C8A: variants seen among roughly 807,000 people sequenced by gnomAD.
The protein encoded by C8A is complement C8 alpha chain, also known as complement component C8 alpha chain.
Under a neutral mutation model 65.3 loss-of-function variants are expected in C8A, and 67 were observed. The ratio of observed to expected loss-of-function variants is 1.03; its 90% CI spans 0.84 to 1.26. The LOEUF is 1.26. Ranked by LOEUF, C8A falls within the 50% of genes most tolerant of loss-of-function variation. C8A has a pLI of 0.00. For synonymous variants in C8A, 290 were observed against 259.4 expected (o/e 1.12, Z -1.13); for missense variants, 781 against 723.9 (o/e 1.08, Z -0.90).
At chr1:56,893,118 A>G (rs1339705696) in intron 7 of C8A, among the ~76,000 whole-genome samples, 1 of 151,936 alleles carries the variant, frequency 6.6e-6, no homozygotes, top group Non-Finnish European at 1.5e-5. Flanking sequence ...TTTTTAATCT[A>G]GGCTCTAACA....
At position 56,912,445 on chromosome 1, in the gene C8A, C is replaced by T. The variant is rs769910364; in HGVS notation, c.1423C>T (p.Pro475Ser). ...HEVLRHTSLGPLEAKRQNLRR... is the reference protein window; with the variant it reads ...HEVLRHTSLGSLEAKRQNLRR... ...GGTGCTGCGGCACACAAGCCTGGGG[C>T]CTCTGGAGGCCAAGCGCCAGAACCT... is the stretch of plus-strand genomic sequence containing the variant. Residue 475 changes from proline to serine, a missense_variant, in exon 10 of 11, where the codon CCT becomes TCT. Physicochemically the swap from Pro to Ser is moderately conservative, Grantham distance 74. Coordinates refer to ENST00000361249, the MANE Select transcript of C8A (RefSeq NM_000562.3). 1 of 1,614,220 alleles carries T rather than the reference C, an allele frequency of 6.2e-7. No individual in the cohort carries two copies. The highest frequency in any genetic ancestry group is 1.3e-5 in the African/African-American group (1 of 75,070).
In C8A at chr1:56,891,994, C is replaced by A. The variant is rs991994087; in HGVS notation, c.1096+5827C>A. On this transcript the variant is annotated intron_variant, in intron 7 of 10. Transcript: ENST00000361249. Reference sequence around the variant, plus strand: ...TTTTGTATCTAGCACAAGGCTGGGCCCACAGTAGATGCACCACGAATACTC... The same window carrying A: ...TTTTGTATCTAGCACAAGGCTGGGCACACAGTAGATGCACCACGAATACTC... 3.9e-5 allele frequency among the ~76,000 whole-genome samples: 6 copies of A among 152,064 alleles called. No homozygotes were observed. In the South Asian group the frequency reaches 1.2e-3, roughly 32 times the overall value.
chr1:56,912,669 C>T (rs1179943363), intron 10 of C8A, 44 bp downstream of exon 10: 2 of 1,576,966 alleles, frequency 1.3e-6, no homozygotes, highest in African/African-American at 1.3e-5. Flanking sequence ...TGTCCCAGCT[C>T]AAAGGGGCCA....
In C8A at chr1:56,883,599, G is replaced by T. The variant is rs767457364; in HGVS notation, c.773G>T (p.Gly258Val). ...FGVTIGIGPA[G>V]SPLLVGVGVS... Reference sequence around the variant, plus strand: ...GTGACCATCGGCATAGGCCCAGCCGGCAGCCCTTTATTGGTGGGTGTAGGT... The same window carrying T: ...GTGACCATCGGCATAGGCCCAGCCGTCAGCCCTTTATTGGTGGGTGTAGGT... The change falls in exon 6 of 11, where the codon GGC becomes GTC. Residue 258 changes from glycine (G) to valine (V), a missense_variant. By Grantham distance (109) the Gly-to-Val change is moderately radical (BLOSUM62 -3). Transcript: ENST00000361249. The T allele has an allele frequency of 6.2e-7, 1 of 1,613,926 alleles. No homozygotes were observed. The highest frequency in any genetic ancestry group is 1.1e-5 in the South Asian group (1 of 91,070).
chr1:56,889,302 A>G (rs900059182), intron 7 of C8A, among the ~76,000 whole-genome samples: 1 of 152,190 alleles, frequency 6.6e-6, no homozygotes, highest in Non-Finnish European at 1.5e-5. Context: ...TCATTTACAT[A>G]TTAACCTACA....
In C8A at chr1:56,881,522, A is replaced by G; in HGVS notation, c.542A>G (p.Tyr181Cys). The G allele has an allele frequency of 6.2e-7, 1 of 1,613,836 alleles. No homozygotes were observed. Among genetic ancestry groups the G allele is most frequent in the South Asian group, 1.1e-5 (1 of 91,074 alleles). Residue 181 changes from tyrosine (Y) to cysteine (C), a missense_variant, in exon 5 of 11, where the codon TAC (tyrosine) becomes TGC (cysteine). Tyr to Cys is a radical substitution (Grantham distance 194). Transcript: ENST00000361249. ...TATGGGGGCCAGTGTGAGACGGTAT[A>G]CAATGGGGAATGGAGGGAGCTTCGA... The part of the protein sequence containing the change: ...SYYGGQCETV[Y>C]NGEWRELRYD...
At chr1:56,907,819 A>G (rs1235840403) in intron 8 of C8A, 137 bp from the exon 9 acceptor site, 2 of 1,034,996 alleles carry the variant, frequency 1.9e-6, no homozygotes, top group Non-Finnish European at 2.9e-6. Flanking sequence ...CTGCTAGCTA[A>G]CCAAGAAGAG....
intron 6 of C8A, among the ~76,000 whole-genome samples, chr1:56,884,775 A>T (rs1644276401): frequency 6.6e-6 from 1 of 152,094 alleles, no homozygotes; most frequent in Non-Finnish European, 1.5e-5. Flanking sequence ...TTATATAAAG[A>T]TGCTGCTTTT....
At position 56,866,148 on chromosome 1, in the gene C8A, T is replaced by C. The variant is rs115619956; in HGVS notation, c.78-1461T>C. On this transcript the variant is annotated intron_variant, in intron 1 of 10. Coordinates refer to ENST00000361249, the MANE Select transcript of C8A (RefSeq NM_000562.3). The stretch of plus-strand genomic sequence containing the variant: ...TCCCCGTTTCAACTACATAACCATG[T>C]GAGGCTGACTTTTCTTCATAGATTT... Among the ~76,000 whole-genome samples, 1,358 of 152,300 alleles carry C rather than the reference T, an allele frequency of 8.9e-3. 52 individuals carry two copies. The South Asian group carries it at 0.12, about 13-fold the overall frequency.
intron 8 of C8A, 65 bp from the exon 9 acceptor site, chr1:56,907,891 G>T: frequency 6.4e-7 from 1 of 1,570,358 alleles, no homozygotes; most frequent in Non-Finnish European, 8.8e-7. Context: ...CATTAGTGGG[G>T]TTTGTCAACC....
intron 10 of C8A, among the ~76,000 whole-genome samples, chr1:56,915,018 T>C (rs1042958327): frequency 1.3e-5 from 2 of 152,228 alleles, no homozygotes; most frequent in African/African-American, 4.8e-5. Context: ...CATCTGGGCA[T>C]ACCCTGTAAA....
At chr1:56,858,977 T>C (rs1041957423) in intron 1 of C8A, among the ~76,000 whole-genome samples, 4 of 152,228 alleles carry the variant, frequency 2.6e-5, no homozygotes, top group African/African-American at 9.6e-5. Flanking sequence ...GTCAGGACTT[T>C]AGTAAGTTTA....
chr1:56,907,623 C>T (rs960102675), intron 8 of C8A, among the ~76,000 whole-genome samples: 4 of 152,144 alleles, frequency 2.6e-5, no homozygotes, highest in Admixed American at 6.5e-5. Flanking sequence ...TGAACCTATT[C>T]GGCATATAGC....
At chr1:56,916,965 C>T (rs1490831144) in intron 10 of C8A, among the ~76,000 whole-genome samples, 1 of 152,164 alleles carries the variant, frequency 6.6e-6, no homozygotes, top group Non-Finnish European at 1.5e-5. Flanking sequence ...GCAATCCTCT[C>T]CAGGGAGGTG....
chr1:56,866,258 G>A (rs1644087417), intron 1 of C8A, among the ~76,000 whole-genome samples: 1 of 152,006 alleles, frequency 6.6e-6, no homozygotes, highest in African/African-American at 2.4e-5. Flanking sequence ...GACATTAAAG[G>A]GATTTGCAAA....
At chr1:56,885,105 T>C (rs1277553580) in intron 6 of C8A, among the ~76,000 whole-genome samples, 1 of 151,714 alleles carries the variant, frequency 6.6e-6, no homozygotes, top group East Asian at 1.9e-4. Flanking sequence ...ACCATTGTAG[T>C]AGCTCACCCA....
chr1:56,906,139 A>C (rs1297027868), intron 7 of C8A, among the ~76,000 whole-genome samples: 1 of 152,192 alleles, frequency 6.6e-6, no homozygotes, highest in Non-Finnish European at 1.5e-5. Flanking sequence ...GATGAAGATG[A>C]TCATTCAGGC....
intron 7 of C8A, among the ~76,000 whole-genome samples, chr1:56,897,587 C>T (rs892938709): frequency 6.6e-6 from 1 of 152,108 alleles, no homozygotes; most frequent in Non-Finnish European, 1.5e-5. Flanking sequence ...CAAAGGCAGC[C>T]CAGATGATTA....
At chr1:56,907,156 C>T (rs896036894) in intron 8 of C8A, among the ~76,000 whole-genome samples, 4 of 152,046 alleles carry the variant, frequency 2.6e-5, no homozygotes, top group Admixed American at 1.3e-4. Flanking sequence ...AATATGGTAC[C>T]GAGTCCAAGC....
Sources: allele counts gnomAD v4.1 joint callset (sites outside exome capture counted in the v4.1 genomes callset), GRCh38; gene constraint gnomAD v4.1.1; transcripts MANE v1.5; gene names NCBI Gene and HGNC (gene_info 2026-07-23, HGNC 2026-07-21).